The following ARHGEF3 variants were observed in gnomAD, a reference collection of about 807,000 sequenced individuals.
The protein encoded by ARHGEF3 is Rho guanine nucleotide exchange factor 3.
ARHGEF3 carries 28 observed loss-of-function variants against 63.2 expected under a neutral mutation model. That is an observed-to-expected ratio of 0.44 (90% CI 0.33 to 0.61). The LOEUF (loss-of-function observed/expected upper bound fraction) is 0.61, where lower values mean the gene tolerates loss of function less well. ARHGEF3 is among the 20% of genes least tolerant of loss of function. The probability of loss-of-function intolerance (pLI) is 0.03; values close to 1 mark genes in which losing one functional copy is unlikely to be tolerated. For synonymous variants in ARHGEF3, 266 were observed against 254.2 expected, an observed-to-expected ratio of 1.05 and a Z score of -0.44; for missense variants, 533 against 659.3, an observed-to-expected ratio of 0.81 and a Z score of 2.10.
intron 2 of ARHGEF3, among the ~76,000 whole-genome samples, chr3:56,771,202 T>G (rs1010985457): frequency 1.1e-4 from 17 of 152,200 alleles, no homozygotes; most frequent in Non-Finnish European, 2.1e-4. Context: ...GGGTCTGGCT[T>G]TCTCATCCTT....
chr3:56,965,221 C>T (rs116801191), intron 2 of ARHGEF3, among the ~76,000 whole-genome samples: 1 of 152,130 alleles, frequency 6.6e-6, no homozygotes, highest in Non-Finnish European at 1.5e-5. Flanking sequence ...TGTCACTGCA[C>T]TCTAGTCTGG....
At chr3:56,827,778 A>G (rs1287112537) in intron 4 of ARHGEF3, among the ~76,000 whole-genome samples, 1 of 98,502 alleles carries the variant, frequency 1.0e-5, no homozygotes, top group Non-Finnish European at 2.3e-5. Flanking sequence ...AAAAAACAGA[A>G]AAGAAAAAAA....
At chr3:56,940,488 A>C (rs1276400760) in intron 3 of ARHGEF3, 1 of 152,180 alleles carries the variant, frequency 6.6e-6, no homozygotes. Flanking sequence ...TGGCCAGAAA[A>C]AGAAACGGCT....
chr3:56,898,327 G>A (rs186647119), intron 3 of ARHGEF3, among the ~76,000 whole-genome samples: 13 of 152,046 alleles, frequency 8.6e-5, no homozygotes, highest in Admixed American at 3.3e-4. Context: ...AGCCTGCCTC[G>A]GCCTCCTGAG....
At chr3:56,757,210 C>T (rs1306688590) in intron 2 of ARHGEF3, among the ~76,000 whole-genome samples, 12 of 152,180 alleles carry the variant, frequency 7.9e-5, no homozygotes, top group African/African-American at 2.2e-4. Context: ...CAGTGGCTCA[C>T]GCCTGTAATC....
At chr3:57,078,438 C>G (rs2107438028) in intron 1 of ARHGEF3, 1 of 152,392 alleles carries the variant, frequency 6.6e-6, no homozygotes, top group East Asian at 1.9e-4. Context: ...AACATTCAAG[C>G]CCGTGATGGG....
chr3:56,792,254 A>T (rs1463914820), intron 1 of ARHGEF3, among the ~76,000 whole-genome samples: 1 of 152,258 alleles, frequency 6.6e-6, no homozygotes, highest in Non-Finnish European at 1.5e-5. Context: ...CCTCTTCTCT[A>T]CATCCCATAT....
intron 1 of ARHGEF3, among the ~76,000 whole-genome samples, chr3:57,053,472 A>G (rs1704765005): frequency 6.6e-6 from 1 of 152,146 alleles, no homozygotes; most frequent in Admixed American, 6.5e-5. Flanking sequence ...AAAAGTTTCT[A>G]TGTGTTCTTT....
chr3:56,858,695 C>A (rs1226500460), intron 4 of ARHGEF3, among the ~76,000 whole-genome samples: 1 of 152,110 alleles, frequency 6.6e-6, no homozygotes, highest in East Asian at 1.9e-4. Context: ...GAGATCAGAA[C>A]AAGGTGGGAG....
Position 56,801,719 on chromosome 3 carries a change from G to T in ARHGEF3, c.80C>A (p.Pro27Gln). The change falls in exon 1 of 10, where the codon CCG (proline) becomes CAG (glutamine). Residue 27 changes from proline (P) to glutamine (Q), a missense_variant. By Grantham distance (76) the Pro-to-Gln change is moderately conservative. Transcript: ENST00000296315. ...CSLELPPASGPAKDAEEPSNK... is the reference protein window; with the variant it reads ...CSLELPPASGQAKDAEEPSNK... ...CGGCCCTACCTCAGCGTCCTTGGCC[G>T]GACCGCTGGCCGGGGGTAGCTCCAG... is the stretch of plus-strand genomic sequence containing the variant. 1.9e-6 allele frequency: 3 copies of T among 1,562,266 alleles called. No homozygotes were observed. The highest frequency in any genetic ancestry group is 2.6e-6 in the Non-Finnish European group (3 of 1,152,122).
intron 4 of ARHGEF3, among the ~76,000 whole-genome samples, chr3:56,873,540 C>T (rs142903542): frequency 1.5e-3 from 233 of 152,094 alleles, no homozygotes; most frequent in African/African-American, 5.4e-3. Context: ...CATCCATGTC[C>T]CTGCAAAGGA....
intron 2 of ARHGEF3, among the ~76,000 whole-genome samples, chr3:56,992,082 C>T (rs568124030): frequency 7.1e-6 from 1 of 140,886 alleles, no homozygotes; most frequent in African/African-American, 2.7e-5. Context: ...CTGGATGGTC[C>T]TTAGAACCAG....
At chr3:57,046,518 C>G (rs911435437) in intron 1 of ARHGEF3, among the ~76,000 whole-genome samples, 17 of 152,348 alleles carry the variant, frequency 1.1e-4, no homozygotes, top group African/African-American at 3.6e-4. Context: ...CCTTCTGACA[C>G]TGGAGGGCGA....
At chr3:56,950,733 G>T (rs1699764456) in intron 3 of ARHGEF3, among the ~76,000 whole-genome samples, 1 of 151,978 alleles carries the variant, frequency 6.6e-6, no homozygotes, top group Non-Finnish European at 1.5e-5. Flanking sequence ...ATTCCTCAGG[G>T]ATCTAGAACT....
chr3:56,728,434 C>T lies in ARHGEF3; in HGVS notation c.*836G>A, dbSNP rs748560799. On this transcript the variant is annotated 3_prime_UTR_variant, in exon 10 of 10. Coordinates refer to ENST00000296315, the MANE Select transcript of ARHGEF3 (RefSeq NM_019555.3). ...TTCATTCTCTAAAATAATGAGTAGG[C>T]CTAGGCAGATGAAACACAATGAATA... The T allele has an allele frequency of 4.6e-5, 7 of 152,676 alleles. 1 individual carries two copies. Among genetic ancestry groups the T allele is most frequent in the South Asian group, 4.2e-4 (2 of 4,814 alleles). The allele number at this position is 152,676 out of a possible 1,614,324, so 9.5% of individuals were successfully genotyped here. A position where few individuals can be genotyped will look rare whatever the true frequency, so the allele number is the denominator to read the frequency against.
intron 1 of ARHGEF3, among the ~76,000 whole-genome samples, chr3:57,051,677 C>T (rs1374652760): frequency 1.3e-5 from 2 of 151,982 alleles, no homozygotes; most frequent in Non-Finnish European, 2.9e-5. Context: ...TTTTCTAGCA[C>T]ACCAGGCCAG....
intron 4 of ARHGEF3, among the ~76,000 whole-genome samples, chr3:56,845,584 C>T (rs540446007): frequency 6.6e-6 from 1 of 152,158 alleles, no homozygotes; most frequent in Non-Finnish European, 1.5e-5. Context: ...TGAGAGAGAA[C>T]AGTATACGTT....
At chr3:56,891,341 CTTTT>C (rs146940929) in intron 3 of ARHGEF3, among the ~76,000 whole-genome samples, 1 of 140,540 alleles carries the variant, frequency 7.1e-6, no homozygotes, top group Non-Finnish European at 1.5e-5. Context: ...TAGTACACTG[CTTTT>C]TTTTTTTTTT....
chr3:57,007,572 A>G (rs746354745), intron 2 of ARHGEF3, among the ~76,000 whole-genome samples: 2 of 152,144 alleles, frequency 1.3e-5, no homozygotes, highest in Non-Finnish European at 2.9e-5. Context: ...AACAGAGGCC[A>G]TGCCTGCAGT....
Sources: allele counts gnomAD v4.1 joint callset (sites outside exome capture counted in the v4.1 genomes callset), GRCh38; gene constraint gnomAD v4.1.1; transcripts MANE v1.5; gene names NCBI Gene and HGNC (gene_info 2026-07-23, HGNC 2026-07-21).